NACA: variants seen among roughly 807,000 people sequenced by gnomAD.
The protein encoded by NACA is nascent polypeptide associated complex subunit alpha.
In NACA, 42 loss-of-function variants were observed where a neutral mutation model predicts 86.4. The ratio of observed to expected loss-of-function variants is 0.49; its 90% CI spans 0.38 to 0.63. NACA has a LOEUF of 0.63. Ranked by LOEUF, NACA falls within the 20% of genes least tolerant of loss-of-function variation. The pLI is 0.00. For synonymous variants in NACA, 898 were observed against 973.7 expected (o/e 0.92, Z 1.45); for missense variants, 2,157 against 2,483.6 (o/e 0.87, Z 2.80).
rs1953435023 is a variant in NACA at position 56,717,960 on chromosome 12, G to A, written c.3570C>T (p.Ser1190=). The change falls in exon 3 of 9, where the codon TCC becomes TCT. Residue 1190 remains serine, a synonymous_variant. Transcript: ENST00000454682. ...PSPKGGLATP[S]PKGAPTTPAA... Reference sequence around the variant, plus strand: ...CTGGGGTTGTGGGGGCCCCTTTGGGGGATGGGGTAGCTAGACCTCCTTTTG... The same window carrying A: ...CTGGGGTTGTGGGGGCCCCTTTGGGAGATGGGGTAGCTAGACCTCCTTTTG... The A allele has an allele frequency of 9.1e-7, 1 of 1,102,030 alleles. No homozygotes were observed. The highest frequency in any genetic ancestry group is 1.1e-6 in the Non-Finnish European group (1 of 896,770). 68.3% of individuals were successfully genotyped at this position (1,102,030 alleles called of 1,614,324 possible). A position where few individuals can be genotyped will look rare whatever the true frequency, so the allele number is the denominator to read the frequency against.
At position 56,720,004 on chromosome 12, in the gene NACA, AGAG is replaced by A. The variant is rs774468008; in HGVS notation, c.1523_1525del (p.Pro508del). 2.5e-6 allele frequency: 4 copies of A among 1,613,790 alleles called. No homozygotes were observed. In the African/African-American group the frequency reaches 4.0e-5, roughly 16 times the overall value. On this transcript the variant is annotated inframe_deletion, in exon 3 of 9. Transcript: ENST00000454682. The stretch of plus-strand genomic sequence containing the variant: ...ATTTTTGAGGTCTTCAGGGTCTGGC[AGAG>A]GAGGAGAGACTGGTATCCTCAGAGT...
intron 8 of NACA, 59 bp from the exon 9 acceptor site, chr12:56,712,611 A>C (rs1200242945): frequency 6.2e-7 from 1 of 1,603,304 alleles, no homozygotes; most frequent in African/African-American, 1.3e-5. Context: ...AATTCAGGTC[A>C]CTAAAACTCT....
Position 56,716,727 on chromosome 12 carries a change from A to G in NACA, c.4803T>C (p.Ile1601=). 7.2e-7 allele frequency: 1 copy of G among 1,394,924 alleles called. No individual in the cohort carries two copies. Among genetic ancestry groups the G allele is most frequent in the Non-Finnish European group, 9.5e-7 (1 of 1,050,536 alleles). The allele number at this position is 1,394,924 out of a possible 1,614,324, so 86.4% of individuals were successfully genotyped here. A position where few individuals can be genotyped will look rare whatever the true frequency, so the allele number is the denominator to read the frequency against. ...GGGAAGGAGAAGTCACAGCTGGTGGAATGAGGAGCTCTTTGGGGGATGGGG... is the reference window on the plus strand; with the variant it reads ...GGGAAGGAGAAGTCACAGCTGGTGGGATGAGGAGCTCTTTGGGGGATGGGG... ...KGAPSPKELL[I]PPAVTSPSPK... is the part of the protein sequence containing the mutation. The change falls in exon 3 of 9, where the codon ATT becomes ATC. Residue 1601 remains isoleucine, a synonymous_variant. Transcript: ENST00000454682.
At position 56,713,509 on chromosome 12, in the gene NACA, GAACAATGCCC is replaced by G. The variant is rs764706510; in HGVS notation, c.5970+18_5970+27del. ...GCTGAGGTTGAGAAACCCTGGTCTG[GAACAATGCCC>G]AAGAAAAGTTTACTCACCTTGGCTT... On this transcript the variant is annotated intron_variant, in intron 6 of 8. Transcript: ENST00000454682. The G allele has an allele frequency of 6.2e-7, 1 of 1,611,710 alleles. No individual in the cohort carries two copies. Among genetic ancestry groups the G allele is most frequent in the Non-Finnish European group, 8.5e-7 (1 of 1,178,448 alleles).
At chr12:56,724,154 A>G (rs922631034) in intron 2 of NACA, among the ~76,000 whole-genome samples, 8 of 152,194 alleles carry the variant, frequency 5.3e-5, no homozygotes, top group Admixed American at 1.3e-4. Flanking sequence ...CACTGAGCCC[A>G]TTCCCTGCTG....
At chr12:56,722,923 A>C (rs1175932297) in intron 2 of NACA, among the ~76,000 whole-genome samples, 2 of 152,228 alleles carry the variant, frequency 1.3e-5, no homozygotes, top group Non-Finnish European at 2.9e-5. Context: ...ACCAAAATTC[A>C]AATTCAAAAT....
chr12:56,719,545 G>A lies in NACA; in HGVS notation c.1985C>T (p.Thr662Ile). ...SADPAGVAPT[T>I]AKGTSTYTTT... is the part of the protein sequence containing the mutation. ...TGTATAAGTTGAGGTACCTTTGGCA[G>A]TTGTGGGAGCCACCCCGGCAGGGTC... The change falls in exon 3 of 9, where the codon ACT becomes ATT. Residue 662 changes from threonine (T) to isoleucine (I), a missense_variant. By Grantham distance (89) the Thr-to-Ile change is moderately conservative. Transcript: ENST00000454682. 1 of 1,613,930 alleles carries A rather than the reference G, an allele frequency of 6.2e-7. No homozygotes were observed. The highest frequency in any genetic ancestry group is 8.5e-7 in the Non-Finnish European group (1 of 1,179,880).
At position 56,720,210 on chromosome 12, in the gene NACA, T is replaced by A. The variant is rs1953532466; in HGVS notation, c.1320A>T (p.Pro440=). 6.2e-7 allele frequency: 1 copy of A among 1,613,570 alleles called. No homozygotes were observed. The highest frequency in any genetic ancestry group is 1.7e-5 in the Admixed American group (1 of 59,974). Residue 440 remains proline, a synonymous_variant, in exon 3 of 9, where the codon CCA becomes CCT. Coordinates refer to ENST00000454682, the MANE Select transcript of NACA (RefSeq NM_001365896.1). ...QMPVSSVGTT[P]LVVTNPCTIA... Reference sequence around the variant, plus strand: ...TTGTACAGGGGTTAGTCACCACAAGTGGGGTGGTTCCAACAGAAGAAACGG... The same window carrying A: ...TTGTACAGGGGTTAGTCACCACAAGAGGGGTGGTTCCAACAGAAGAAACGG...
rs1953516128 is a variant in NACA, at chr12:56,719,706, C to G, written c.1824G>C (p.Met608Ile). Residue 608 changes from methionine (M) to isoleucine (I), a missense_variant, in exon 3 of 9, where the codon ATG becomes ATC. Transcript: ENST00000454682. ...PLPIGKPASS[M>I]TSPLGVNSSA... The stretch of plus-strand genomic sequence containing the variant: ...AGGAGTTAACACCCAGAGGGGAGGT[C>G]ATACTGCTGGCTGGCTTACCTATAG... 6.2e-7 allele frequency: 1 copy of G among 1,613,794 alleles called. No homozygotes were observed. The highest frequency in any genetic ancestry group is 1.7e-5 in the Admixed American group (1 of 59,998).
rs1380086051 is a variant in NACA at position 56,720,971 on chromosome 12, T to C, written c.559A>G (p.Asn187Asp). Residue 187 changes from asparagine to aspartate, a missense_variant, in exon 3 of 9, where the codon AAT becomes GAT. Physicochemically the swap from Asn to Asp is conservative, Grantham distance 23. This residue lies in a region of NACA where 947 missense variants were observed against 917.9 expected (regional missense o/e 1.03). Transcript: ENST00000454682. ...APIAPSEPKTNLNKVPSEVVP... is the reference protein window; with the variant it reads ...APIAPSEPKTDLNKVPSEVVP... ...ACCTCAGAGGGAACTTTATTAAGATTAGTCTTTGGTTCTGAGGGAGCAATG... is the reference window on the plus strand; with the variant it reads ...ACCTCAGAGGGAACTTTATTAAGATCAGTCTTTGGTTCTGAGGGAGCAATG... 6.2e-7 allele frequency: 1 copy of C among 1,613,868 alleles called. No individual in the cohort carries two copies.
chr12:56,723,937 A>G (rs533790608), intron 2 of NACA, among the ~76,000 whole-genome samples: 3 of 152,298 alleles, frequency 2.0e-5, no homozygotes, highest in Admixed American at 6.5e-5. Context: ...TCTCAGCACC[A>G]CCAACCCATA....
rs1291753332 is a variant in NACA, at chr12:56,719,780, G to C, written c.1750C>G (p.Leu584Val). 1 of 1,613,916 alleles carries C rather than the reference G, an allele frequency of 6.2e-7. No homozygotes were observed. Among genetic ancestry groups the C allele is most frequent in the Middle Eastern group, 1.6e-4 (1 of 6,062 alleles). ...QSTSSSPEIPLSPEATLAKKS... is the reference protein window; with the variant it reads ...QSTSSSPEIPVSPEATLAKKS... The stretch of plus-strand genomic sequence containing the variant: ...TTTGCTAGGGTGGCTTCAGGAGAAA[G>C]AGGTATCTCTGGAGAAGAGGATGTA... The change falls in exon 3 of 9, where the codon CTT becomes GTT. Residue 584 changes from leucine to valine, a missense_variant. Transcript: ENST00000454682.
chr12:56,720,182 C>T lies in NACA; in HGVS notation c.1348G>A (p.Ala450Thr), dbSNP rs1953531484. 1 of 1,613,736 alleles carries T rather than the reference C, an allele frequency of 6.2e-7. No individual in the cohort carries two copies. The highest frequency in any genetic ancestry group is 1.3e-5 in the African/African-American group (1 of 74,850). ...TCAAAGGTAGTAGTAGGTGCTGCAG[C>T]AATTGTACAGGGGTTAGTCACCACA... The part of the protein sequence containing the change: ...PLVVTNPCTI[A>T]AAPTTTFEVA... Residue 450 changes from alanine (A) to threonine (T), a missense_variant, in exon 3 of 9, where the codon GCT (alanine) becomes ACT (threonine). Physicochemically the swap from Ala to Thr is moderately conservative, Grantham distance 58. Coordinates refer to ENST00000454682, the MANE Select transcript of NACA (RefSeq NM_001365896.1).
chr12:56,714,577 T>C, intron 4 of NACA, 25 bp downstream of exon 4: 1 of 1,613,086 alleles, frequency 6.2e-7, no homozygotes, highest in Non-Finnish European at 8.5e-7. Context: ...TTTGACCCAA[T>C]ACCAGTTAGT....
In NACA at chr12:56,716,180, T is replaced by G. The variant is rs1953354246; in HGVS notation, c.5350A>C (p.Lys1784Gln). 6.2e-7 allele frequency: 1 copy of G among 1,613,664 alleles called. No homozygotes were observed. Among genetic ancestry groups the G allele is most frequent in the Admixed American group, 1.7e-5 (1 of 59,994 alleles). Residue 1784 changes from lysine (K) to glutamine (Q), a missense_variant, in exon 3 of 9, where the codon AAA becomes CAA. Physicochemically the swap from Lys to Gln is moderately conservative, Grantham distance 53. Around this residue, in one of 8 missense-constraint regions of NACA, gnomAD observed 797 missense variants for 777.6 expected, o/e 1.02. Coordinates refer to ENST00000454682, the MANE Select transcript of NACA (RefSeq NM_001365896.1). ...TAAAFEKVLP[K>Q]PESASVSAAP... The stretch of plus-strand genomic sequence containing the variant: ...GCAGAGACAGATGCTGATTCAGGTT[T>G]AGGAAGGACCTTCTCAAAGGCAGCT...
rs774419005 is a variant in NACA at position 56,721,455 on chromosome 12, C to T, written c.75G>A (p.Val25=). ...ELPQPQAETA[V]LPMSSALSVT... is the part of the protein sequence containing the mutation. ...CACTCAAGGCTGAAGACATAGGTAG[C>T]ACAGCTGGAGAAAGGCAAAAGGAGA... The change falls in exon 3 of 9, where the codon GTG becomes GTA. Residue 25 remains valine (V), a synonymous_variant. Coordinates refer to ENST00000454682, the MANE Select transcript of NACA (RefSeq NM_001365896.1). 15 of 1,479,776 alleles carry T rather than the reference C, an allele frequency of 1.0e-5. No homozygotes were observed. The highest frequency in any genetic ancestry group is 1.3e-5 in the Non-Finnish European group (14 of 1,119,418). The allele number at this position is 1,479,776 out of a possible 1,614,324, so 91.7% of individuals were successfully genotyped here. A position where few individuals can be genotyped will look rare whatever the true frequency, so the allele number is the denominator to read the frequency against.
Position 56,712,837 on chromosome 12 carries a change from C to T in NACA, c.6171G>A (p.Lys2057=). ...TGTTGTTCTTCAGGGCTCGGACTGC[C>T]TTTGCTCTCGACACATTTGCTTGTG... ...VMSQANVSRA[K]AVRALKNNSN... Residue 2057 remains lysine, a synonymous_variant, in exon 8 of 9, where the codon AAG becomes AAA. Transcript: ENST00000454682. The T allele has an allele frequency of 1.2e-6, 2 of 1,614,214 alleles. No individual in the cohort carries two copies. Among genetic ancestry groups the T allele is most frequent in the Non-Finnish European group, 1.7e-6 (2 of 1,180,040 alleles).
In NACA at chr12:56,713,106, T is replaced by C; in HGVS notation, c.6055A>G (p.Asn2019Asp). ...QGEAVSNIQE[N>D]TQTPTVQEES... ...TCTTGTACAGTTGGAGTCTGTGTGT[T>C]TTCTTGAATGTTTGAGACAGCTTCA... Residue 2019 changes from asparagine to aspartate, a missense_variant, in exon 7 of 9, where the codon AAC becomes GAC. By Grantham distance (23) the Asn-to-Asp change is conservative. Transcript: ENST00000454682. 2 of 1,614,084 alleles carry C rather than the reference T, an allele frequency of 1.2e-6. No individual in the cohort carries two copies. Among genetic ancestry groups the C allele is most frequent in the Non-Finnish European group, 1.7e-6 (2 of 1,180,026 alleles).
In NACA at chr12:56,716,906, G is replaced by C; in HGVS notation, c.4624C>G (p.Leu1542Val). The change falls in exon 3 of 9, where the codon CTA (leucine) becomes GTA (valine). Residue 1542 changes from leucine (L) to valine (V), a missense_variant. By Grantham distance (32) the Leu-to-Val change is conservative. Transcript: ENST00000454682. Reference protein sequence around the residue: ...TLLSKKTPATLAPKEALIPPA... With the variant: ...TLLSKKTPATVAPKEALIPPA... ...GGAATGAGGGCCTCTTTGGGGGCTA[G>C]AGTTGCTGGGGTCTTTTTAGAGAGA... 7.6e-7 allele frequency: 1 copy of C among 1,316,378 alleles called. No individual in the cohort carries two copies. Among genetic ancestry groups the C allele is most frequent in the Non-Finnish European group, 9.9e-7 (1 of 1,012,790 alleles). 81.5% of individuals were successfully genotyped at this position (1,316,378 alleles called of 1,614,324 possible). A position where few individuals can be genotyped will look rare whatever the true frequency, so the allele number is the denominator to read the frequency against.
Sources: gnomAD v4.1 joint callset for allele counts (sites outside exome capture counted in the v4.1 genomes callset) on GRCh38, gnomAD v4.1.1 for gene constraint, gnomAD v4.1.1 regional missense constraint, MANE v1.5 for transcripts, NCBI Gene and HGNC (gene_info 2026-07-23, HGNC 2026-07-21) for gene names.